The following RUNX2 variants were observed in gnomAD, a reference collection of about 807,000 sequenced individuals.
RUNX2 encodes the protein RUNX family transcription factor 2, also known as runt-related transcription factor 2.
A neutral mutation model predicts 51.7 loss-of-function variants in RUNX2; 10 were observed. The ratio of observed to expected loss-of-function variants is 0.19; its 90% CI spans 0.12 to 0.33. RUNX2 has a LOEUF of 0.33. Ranked by LOEUF, RUNX2 falls within the 10% of genes least tolerant of loss-of-function variation. The pLI is 1.00. For synonymous variants in RUNX2, 276 were observed against 273.6 expected, an observed-to-expected ratio of 1.01 and a Z score of -0.09; for missense variants, 562 against 691.3, an observed-to-expected ratio of 0.81 and a Z score of 2.10.
intron 2 of RUNX2, among the ~76,000 whole-genome samples, chr6:45,400,174 AGAAGGAGGGAATGAGGGAAGGAAGGAAG>A (rs1241221060): frequency 7.6e-5 from 9 of 117,920 alleles, no homozygotes; most frequent in East Asian, 5.2e-4. Context: ...AAGGAAGGAA[AGAAGGAGGGAATGAGGGAAGGAAGGAAG>A]GAAGGAGGGA....
intron 7 of RUNX2, among the ~76,000 whole-genome samples, chr6:45,535,977 AAC>A (rs1182603459): frequency 6.6e-6 from 1 of 152,058 alleles, no homozygotes; most frequent in Non-Finnish European, 1.5e-5. Context: ...GTGTGCCCTT[AAC>A]ACAGAGTCTA....
At chr6:45,521,581 A>G (rs1172503656) in intron 7 of RUNX2, among the ~76,000 whole-genome samples, 1 of 152,256 alleles carries the variant, frequency 6.6e-6, no homozygotes, top group Non-Finnish European at 1.5e-5. Context: ...GATAGAAATT[A>G]TGTTAACTAA....
At chr6:45,468,468 G>T (rs1044240738) in intron 5 of RUNX2, among the ~76,000 whole-genome samples, 8 of 152,120 alleles carry the variant, frequency 5.3e-5, no homozygotes, top group Non-Finnish European at 8.8e-5. Context: ...ATTGATGCAG[G>T]TGCATATTAG....
intron 2 of RUNX2, among the ~76,000 whole-genome samples, chr6:45,386,514 G>C (rs954709674): frequency 4.6e-5 from 7 of 152,232 alleles, no homozygotes; most frequent in Non-Finnish European, 7.3e-5. Context: ...GACTGGAGCA[G>C]AGAAAGATGT....
chr6:45,533,814 C>A (rs1245569301), intron 7 of RUNX2, among the ~76,000 whole-genome samples: 1 of 151,294 alleles, frequency 6.6e-6, no homozygotes, highest in Non-Finnish European at 1.5e-5. Flanking sequence ...TACCAGTCAT[C>A]ACTTTAAAAA....
intron 7 of RUNX2, among the ~76,000 whole-genome samples, chr6:45,541,235 C>G (rs547475065): frequency 1.1e-4 from 17 of 152,202 alleles, no homozygotes; most frequent in Non-Finnish European, 2.1e-4. Context: ...AAAACATATT[C>G]TTTACCATCC....
intron 4 of RUNX2, among the ~76,000 whole-genome samples, chr6:45,436,605 A>C (rs1798693172): frequency 6.6e-6 from 1 of 152,174 alleles, no homozygotes; most frequent in East Asian, 1.9e-4. Context: ...AAGGAGACTT[A>C]AAACTATTTA....
chr6:45,423,033 G>C (rs1023620479), intron 3 of RUNX2, 76 bp downstream of exon 3: 3 of 1,559,392 alleles, frequency 1.9e-6, no homozygotes, highest in Non-Finnish European at 2.6e-6. Context: ...TGCCCACGGG[G>C]CTGGGCCCCG....
chr6:45,405,116 A>G (rs1373585450), intron 2 of RUNX2, among the ~76,000 whole-genome samples: 3 of 152,224 alleles, frequency 2.0e-5, no homozygotes, highest in Non-Finnish European at 4.4e-5. Context: ...CAATGATTTA[A>G]TAACTTGTTA....
At chr6:45,541,722 C>T (rs1802235172) in intron 7 of RUNX2, among the ~76,000 whole-genome samples, 1 of 152,146 alleles carries the variant, frequency 6.6e-6, no homozygotes, top group South Asian at 2.1e-4. Flanking sequence ...TTCCTTTTTT[C>T]TGCCCTGACC....
At chr6:45,426,093 A>G (rs1349104573) in intron 3 of RUNX2, among the ~76,000 whole-genome samples, 2 of 152,162 alleles carry the variant, frequency 1.3e-5, no homozygotes, top group African/African-American at 4.8e-5. Context: ...TTAAGAATGT[A>G]TTAGCGTTGT....
intron 8 of RUNX2, 45 bp from the exon 9 acceptor site, chr6:45,546,782 T>G: frequency 7.0e-7 from 1 of 1,425,012 alleles, no homozygotes; most frequent in Non-Finnish European, 9.9e-7. Context: ...TTATTTTAAT[T>G]GATATTTACA....
chr6:45,369,417 A>G (rs994911216), intron 2 of RUNX2, among the ~76,000 whole-genome samples: 8 of 152,198 alleles, frequency 5.3e-5, no homozygotes, highest in Non-Finnish European at 1.2e-4. Context: ...ATATTAGTTT[A>G]ATATTAAATT....
intron 7 of RUNX2, among the ~76,000 whole-genome samples, chr6:45,544,647 TCTTATATGATCTA>T (rs1802338444): frequency 6.6e-6 from 1 of 152,222 alleles, no homozygotes; most frequent in South Asian, 2.1e-4. Context: ...TTCTGGTTCT[TCTTATATGATCTA>T]AATATTGAAC....
At chr6:45,544,268 T>C (rs1802320977) in intron 7 of RUNX2, among the ~76,000 whole-genome samples, 1 of 152,140 alleles carries the variant, frequency 6.6e-6, no homozygotes, top group African/African-American at 2.4e-5. Context: ...GAAAAACAAA[T>C]GTCATTTTGT....
At chr6:45,399,427 T>C (rs531690058) in intron 2 of RUNX2, among the ~76,000 whole-genome samples, 61 of 144,322 alleles carry the variant, frequency 4.2e-4, no homozygotes, top group African/African-American at 1.5e-3. Context: ...TGGCACGATC[T>C]TGGCTCACTG....
chr6:45,475,395 TG>T (rs1799928889), intron 5 of RUNX2, among the ~76,000 whole-genome samples: 1 of 152,226 alleles, frequency 6.6e-6, no homozygotes, highest in Admixed American at 6.5e-5. Context: ...GGTAGATAGA[TG>T]ATGACTTTTA....
chr6:45,421,205 C>T (rs1798178028), intron 2 of RUNX2: 1 of 152,156 alleles, frequency 6.6e-6, no homozygotes, highest in Non-Finnish European at 1.5e-5. Context: ...ACGGCTGGTG[C>T]TTTTCCCCAG....
At chr6:45,411,520 C>G (rs530066351) in intron 2 of RUNX2, among the ~76,000 whole-genome samples, 4 of 152,228 alleles carry the variant, frequency 2.6e-5, no homozygotes, top group African/African-American at 9.6e-5. Context: ...AATGGAAAAG[C>G]TTTCAATTTT....
Sources: allele counts gnomAD v4.1 joint callset (sites outside exome capture counted in the v4.1 genomes callset), GRCh38; gene constraint gnomAD v4.1.1; transcripts MANE v1.5; gene names NCBI Gene and HGNC (gene_info 2026-07-23, HGNC 2026-07-21).